SRL: variants seen among roughly 807,000 people sequenced by gnomAD.
SRL encodes the protein sarcalumenin.
SRL carries 23 observed loss-of-function variants against 39.5 expected under a neutral mutation model. The observed-to-expected ratio is 0.58, with a 90% CI of 0.42 to 0.82. The LOEUF (loss-of-function observed/expected upper bound fraction) is 0.82, where lower values mean the gene tolerates loss of function less well. SRL is among the 40% of genes least tolerant of loss of function. The pLI, the probability that SRL is intolerant of heterozygous loss-of-function variation, is 0.00. For missense variants in SRL, 592 were observed against 607.8 expected (o/e 0.97, Z 0.27); for synonymous variants, 272 against 237.4 (o/e 1.15, Z -1.34).
chr16:4,190,134 G>A lies in SRL; in HGVS notation c.*2019C>T, dbSNP rs1295749274. 2.5e-6 allele frequency: 1 copy of A among 397,410 alleles called. No individual in the cohort carries two copies. The highest frequency in any genetic ancestry group is 3.6e-5 in the East Asian group (1 of 28,086). The allele number at this position is 397,410 out of a possible 1,614,324, so 24.6% of individuals were successfully genotyped here. ...CCCTGGAACCTCGGGTGTTCTTGTG[G>A]AAGGGTCCAGGCCCTCCACAAAGCC... On this transcript the variant is annotated 3_prime_UTR_variant, in exon 6 of 6. Transcript: ENST00000399609.
rs556529550 is a variant in SRL, at chr16:4,228,722, A to G, written c.61+13285T>C. On this transcript the variant is annotated intron_variant, in intron 1 of 5. Transcript: ENST00000399609. ...TGCACTCCAGCCTGGGTGACAGAGC[A>G]AGACTCCGTCTCAAAAAAAAAAGAA... is the stretch of plus-strand genomic sequence containing the variant. 1.6e-3 allele frequency among the ~76,000 whole-genome samples: 248 copies of G among 151,976 alleles called. 9 individuals are homozygous for G. The South Asian group carries it at 0.048, about 29-fold the overall frequency.
chr16:4,229,823 G>A (rs1257484899), intron 1 of SRL, among the ~76,000 whole-genome samples: 1 of 152,154 alleles, frequency 6.6e-6, no homozygotes, highest in East Asian at 1.9e-4. Context: ...AGCTTCTGCA[G>A]ATGAGGAGGT....
intron 3 of SRL, among the ~76,000 whole-genome samples, chr16:4,202,325 G>T (rs543222434): frequency 2.6e-4 from 40 of 152,326 alleles, no homozygotes; most frequent in African/African-American, 8.4e-4. Flanking sequence ...TGGGAGCGGT[G>T]GCTCACGCTT....
rs80267856 is a variant in SRL, at chr16:4,192,186, G to T, written c.1389C>A (p.Ser463Arg). Residue 463 changes from serine (S) to arginine (R), a missense_variant, in exon 6 of 6, where the codon AGC (serine) becomes AGA (arginine). Physicochemically the swap from Ser to Arg is moderately radical, Grantham distance 110. Transcript: ENST00000399609. This position sits in a 1 kb window ranked among gnomAD's most constrained non-coding sequence, Gnocchi z 4.0. ...GALNCDKTGC[S>R]ETPKNRYRKH ...TCCTGTAGCGATTTTTTGGTGTTTC[G>T]CTACACCCTGTTTTGTCACAGTTGA... 8.9e-6 allele frequency: 14 copies of T among 1,568,008 alleles called. No individual in the cohort carries two copies. Among genetic ancestry groups the T allele is most frequent in the South Asian group, 1.2e-5 (1 of 81,216 alleles).
chr16:4,190,540 T>C lies in SRL; in HGVS notation c.*1613A>G, dbSNP rs1217607858. On this transcript the variant is annotated 3_prime_UTR_variant, in exon 6 of 6. Transcript: ENST00000399609. ...TTCTTCCCTGCAGGTCCTGCCCCTC[T>C]GCTCCCCACCACCTGCTGTGGAGCC... 2 of 398,870 alleles carry C rather than the reference T, an allele frequency of 5.0e-6. No homozygotes were observed. The highest frequency in any genetic ancestry group is 8.8e-6 in the Non-Finnish European group (2 of 226,364). The allele number at this position is 398,870 out of a possible 1,614,324, so 24.7% of individuals were successfully genotyped here.
At chr16:4,208,702 A>G (rs2052356662) in intron 1 of SRL, among the ~76,000 whole-genome samples, 1 of 152,274 alleles carries the variant, frequency 6.6e-6, no homozygotes, top group African/African-American at 2.4e-5. Flanking sequence ...GTGGCTCTCA[A>G]CCTTATTAAG....
At chr16:4,237,706 G>T (rs139961780) in intron 1 of SRL, among the ~76,000 whole-genome samples, 16 of 152,200 alleles carry the variant, frequency 1.1e-4, no homozygotes, top group African/African-American at 3.4e-4. Flanking sequence ...TCTCACCAGA[G>T]CCCCGTTGCT....
chr16:4,240,353 C>A (rs762124165), intron 1 of SRL, among the ~76,000 whole-genome samples: 2 of 152,144 alleles, frequency 1.3e-5, no homozygotes, highest in Admixed American at 1.3e-4. Context: ...GAGGAAGCCA[C>A]CTTGTGGGTT....
chr16:4,215,336 C>A (rs2052445494), intron 1 of SRL, among the ~76,000 whole-genome samples: 1 of 152,210 alleles, frequency 6.6e-6, no homozygotes, highest in Admixed American at 6.5e-5. Flanking sequence ...GACAGCTTGT[C>A]CCTGGCTGGA....
At chr16:4,211,815 T>C (rs1407704032) in intron 1 of SRL, among the ~76,000 whole-genome samples, 3 of 151,988 alleles carry the variant, frequency 2.0e-5, no homozygotes, top group Admixed American at 6.6e-5. Context: ...ATGATGATGA[T>C]GGCAGCAATG....
chr16:4,192,669 G>A lies in SRL; in HGVS notation c.906C>T (p.Thr302=), dbSNP rs1212195026. The change falls in exon 6 of 6, where the codon ACC becomes ACT. Residue 302 remains threonine (T), a synonymous_variant. Coordinates refer to ENST00000399609, the MANE Select transcript of SRL (RefSeq NM_001098814.2). The surrounding 1 kb of genome is among the most constrained non-coding windows in gnomAD (Gnocchi z 4.0). Reference sequence around the variant, plus strand: ...CTTCTTGGAGGAACAGTTCCTGATGGGTGTCCGGCTTATACTCTTGTGGCC... The same window carrying A: ...CTTCTTGGAGGAACAGTTCCTGATGAGTGTCCGGCTTATACTCTTGTGGCC... ...SFWPQEYKPD[T]HQELFLQEEI... is the part of the protein sequence containing the mutation. 1.2e-6 allele frequency: 2 copies of A among 1,613,952 alleles called. No individual in the cohort carries two copies. The highest frequency in any genetic ancestry group is 1.3e-5 in the African/African-American group (1 of 74,892).
At chr16:4,204,071 G>C (rs1361182499) in intron 2 of SRL, among the ~76,000 whole-genome samples, 1 of 152,194 alleles carries the variant, frequency 6.6e-6, no homozygotes, top group Non-Finnish European at 1.5e-5. Context: ...CTAGCCGTGG[G>C]CCAGGAGCAA....
intron 1 of SRL, among the ~76,000 whole-genome samples, chr16:4,227,005 T>C (rs1419956117): frequency 6.8e-6 from 1 of 147,452 alleles, no homozygotes; most frequent in Non-Finnish European, 1.5e-5. Flanking sequence ...AGTGGGTGGA[T>C]GGATGGATGA....
chr16:4,208,754 G>A lies in SRL; in HGVS notation c.62-4120C>T, dbSNP rs185901944. Among the ~76,000 whole-genome samples, 1,179 of 151,644 alleles carry A rather than the reference G, an allele frequency of 7.8e-3. 9 individuals are homozygous for A. Among genetic ancestry groups the A allele is most frequent in the Non-Finnish European group, 0.011 (731 of 68,004 alleles). ...GTCCCAGTAAGGGCAGGCATTTGCT[G>A]GCCCCCCTACCTTAGATTAGAGGGT... On this transcript the variant is annotated intron_variant, in intron 1 of 5. Coordinates refer to ENST00000399609, the MANE Select transcript of SRL (RefSeq NM_001098814.2).
intron 1 of SRL, among the ~76,000 whole-genome samples, chr16:4,221,785 C>T (rs2052533770): frequency 6.6e-6 from 1 of 152,220 alleles, no homozygotes; most frequent in African/African-American, 2.4e-5. Context: ...TCCTCTGAAA[C>T]CCACAGGAGA....
Position 4,209,983 on chromosome 16 carries a change from C to T in SRL, c.62-5349G>A, listed in dbSNP as rs540859092. The stretch of plus-strand genomic sequence containing the variant: ...GCTGGAATCTCAGCTCCTGCCTGCA[C>T]GTGCCTTCTCTTCAGGCTCAAGCTC... On this transcript the variant is annotated intron_variant, in intron 1 of 5. Transcript: ENST00000399609. Among the ~76,000 whole-genome samples the T allele has an allele frequency of 7.9e-5, 12 of 152,298 alleles. No individual in the cohort carries two copies. The South Asian group carries it at 1.2e-3, about 16-fold the overall frequency.
At chr16:4,228,899 T>C (rs1354854055) in intron 1 of SRL, among the ~76,000 whole-genome samples, 1 of 151,912 alleles carries the variant, frequency 6.6e-6, no homozygotes, top group African/African-American at 2.4e-5. Context: ...AGACTCTGGG[T>C]TTGGGACCCC....
chr16:4,204,723 C>T (rs552904439), intron 1 of SRL, 89 bp from the exon 2 acceptor site: 19 of 1,149,404 alleles, frequency 1.7e-5, no homozygotes, highest in Middle Eastern at 1.9e-4. Flanking sequence ...GGCTGGGCCT[C>T]AAGCAGGGGC....
At chr16:4,238,919 C>T (rs1232147859) in intron 1 of SRL, among the ~76,000 whole-genome samples, 1 of 152,094 alleles carries the variant, frequency 6.6e-6, no homozygotes, top group African/African-American at 2.4e-5. Flanking sequence ...CTGTGTCCGA[C>T]CACCGTGTTA....
Sources: gnomAD v4.1 joint callset for allele counts (sites outside exome capture counted in the v4.1 genomes callset) on GRCh38, gnomAD v4.1.1 for gene constraint, Gnocchi (gnomAD v3.1) non-coding constraint, MANE v1.5 for transcripts, NCBI Gene and HGNC (gene_info 2026-07-23, HGNC 2026-07-21) for gene names.